STAG1: variants seen among roughly 807,000 people sequenced by gnomAD.
STAG1 encodes STAG1 cohesin complex component, also known as cohesin subunit SA-1.
STAG1 carries 26 observed loss-of-function variants against 170.9 expected under a neutral mutation model. The ratio of observed to expected loss-of-function variants is 0.15; its 90% CI spans 0.11 to 0.21. STAG1 has a LOEUF of 0.21. STAG1 is among the 10% of genes least tolerant of loss of function. The pLI, the probability that STAG1 is intolerant of heterozygous loss-of-function variation, is 1.00. For synonymous variants in STAG1, 514 were observed against 497.7 expected (o/e 1.03, Z -0.44); for missense variants, 964 against 1,509.5 (o/e 0.64, Z 5.99).
intron 22 of STAG1, among the ~76,000 whole-genome samples, chr3:136,387,421 A>G (rs114561545): frequency 0.012 from 1,880 of 152,320 alleles, 41 homozygotes; most frequent in African/African-American, 0.043. Context: ...TGACTAATAT[A>G]TAACAAGGCT....
intron 16 of STAG1, among the ~76,000 whole-genome samples, chr3:136,430,926 C>T (rs555568430): frequency 4.0e-5 from 6 of 149,084 alleles, no homozygotes; most frequent in African/African-American, 1.5e-4. Flanking sequence ...TTTTTGGAGA[C>T]AGAGTCTTAC....
At chr3:136,689,851 G>A (rs1379897808) in intron 1 of STAG1, among the ~76,000 whole-genome samples, 2 of 151,932 alleles carry the variant, frequency 1.3e-5, no homozygotes, top group Non-Finnish European at 2.9e-5. Context: ...AGACCAGCCT[G>A]GCCTAGATGG....
chr3:136,673,247 C>T (rs986054139), intron 1 of STAG1, among the ~76,000 whole-genome samples: 2 of 152,124 alleles, frequency 1.3e-5, no homozygotes, highest in African/African-American at 2.4e-5. Context: ...GAATACGTAG[C>T]AAAGGGTTAG....
At chr3:136,411,649 T>TA (rs891822825) in intron 21 of STAG1, among the ~76,000 whole-genome samples, 2 of 152,056 alleles carry the variant, frequency 1.3e-5, no homozygotes, top group African/African-American at 4.8e-5. Flanking sequence ...TGGAGATGCT[T>TA]AAAAAATAAT....
At chr3:136,379,669 A>T (rs1220544748) in intron 22 of STAG1, among the ~76,000 whole-genome samples, 1 of 152,162 alleles carries the variant, frequency 6.6e-6, no homozygotes, top group East Asian at 1.9e-4. Flanking sequence ...AGACTGCGCC[A>T]CTGCACCCCA....
chr3:136,665,671 T>C (rs961729912), intron 1 of STAG1, among the ~76,000 whole-genome samples: 2 of 148,482 alleles, frequency 1.3e-5, no homozygotes, highest in African/African-American at 5.0e-5. Context: ...TCCCAGCTAC[T>C]GGGGAGGCTG....
chr3:136,384,426 G>A (rs1393853232), intron 22 of STAG1, among the ~76,000 whole-genome samples: 3 of 149,262 alleles, frequency 2.0e-5, no homozygotes, highest in Non-Finnish European at 4.4e-5. Context: ...CTCCAGCCTC[G>A]GCAACAGAGC....
intron 13 of STAG1, among the ~76,000 whole-genome samples, chr3:136,452,930 C>T (rs1335732111): frequency 6.6e-6 from 1 of 152,060 alleles, no homozygotes; most frequent in Non-Finnish European, 1.5e-5. Flanking sequence ...GCTGAAATTA[C>T]AGGTGCCTGC....
chr3:136,672,532 T>G (rs1559942512), intron 1 of STAG1, among the ~76,000 whole-genome samples: 1 of 152,178 alleles, frequency 6.6e-6, no homozygotes, highest in African/African-American at 2.4e-5. Flanking sequence ...GCTTGGCTAT[T>G]TTTTATCTTT....
chr3:136,371,068 G>C (rs1303399827), intron 23 of STAG1, among the ~76,000 whole-genome samples: 1 of 151,990 alleles, frequency 6.6e-6, no homozygotes, highest in Non-Finnish European at 1.5e-5. Flanking sequence ...GTGTGAGATG[G>C]TATCTCATTG....
intron 21 of STAG1, among the ~76,000 whole-genome samples, chr3:136,414,359 G>A (rs2087713254): frequency 6.6e-6 from 1 of 152,138 alleles, no homozygotes. Context: ...TTTTAACAAT[G>A]TTCACAGCAT....
At chr3:136,370,901 G>C (rs1320184981) in intron 23 of STAG1, among the ~76,000 whole-genome samples, 1 of 152,176 alleles carries the variant, frequency 6.6e-6, no homozygotes, top group Non-Finnish European at 1.5e-5. Flanking sequence ...GAGTCAAATG[G>C]TATGTCTAGT....
Position 136,545,110 on chromosome 3 carries a change from G to A in STAG1, c.395-2915C>T, listed in dbSNP as rs190808405. Among the ~76,000 whole-genome samples the A allele has an allele frequency of 3.3e-5, 5 of 151,940 alleles. No homozygotes were observed. In the East Asian group the frequency reaches 7.7e-4, roughly 24 times the overall value. On this transcript the variant is annotated intron_variant, in intron 5 of 33. Coordinates refer to ENST00000383202, the MANE Select transcript of STAG1 (RefSeq NM_005862.3). ...GTTGTCCAAGATGGAGTGCAATGGC[G>A]CGATCTCAGCTCACTGCAACCTCCG... is the stretch of plus-strand genomic sequence containing the variant.
intron 21 of STAG1, among the ~76,000 whole-genome samples, chr3:136,409,690 G>A (rs1401172441): frequency 1.2e-4 from 18 of 152,054 alleles, no homozygotes; most frequent in Non-Finnish European, 4.4e-5. Context: ...TCTGAAGAAT[G>A]TGTTCATGTC....
chr3:136,571,021 G>C (rs1465067770), intron 4 of STAG1, among the ~76,000 whole-genome samples: 1 of 152,196 alleles, frequency 6.6e-6, no homozygotes. Flanking sequence ...GTGAAAACTA[G>C]AAGTTAATAG....
Position 136,619,244 on chromosome 3 carries a change from TA to T in STAG1, c.132+3901del, listed in dbSNP as rs562015992. ...TGGGGCAGTGCTTATTTAACAAAAT[TA>T]AAACACCATTCACTCATTAAACATT... On this transcript the variant is annotated intron_variant, in intron 3 of 33. Transcript: ENST00000383202. Among the ~76,000 whole-genome samples the T allele has an allele frequency of 3.7e-4, 55 of 150,518 alleles. 1 individual carries two copies. The East Asian group carries it at 8.4e-3, about 23-fold the overall frequency.
At chr3:136,569,384 G>A (rs1340451148) in intron 4 of STAG1, among the ~76,000 whole-genome samples, 2 of 141,912 alleles carry the variant, frequency 1.4e-5, no homozygotes, top group Non-Finnish European at 3.1e-5. Flanking sequence ...TCTCAAAAAC[G>A]TATCTGATAA....
chr3:136,692,847 T>C (rs961500711), intron 1 of STAG1, among the ~76,000 whole-genome samples: 1 of 152,162 alleles, frequency 6.6e-6, no homozygotes, highest in African/African-American at 2.4e-5. Context: ...GCTCAACAGA[T>C]ATTAGGCAAA....
chr3:136,525,226 G>A (rs1934941441), intron 6 of STAG1, among the ~76,000 whole-genome samples: 1 of 152,046 alleles, frequency 6.6e-6, no homozygotes, highest in African/African-American at 2.4e-5. Flanking sequence ...ATCTCGTCCT[G>A]GACTTTTTTT....
Sources: allele counts gnomAD v4.1 joint callset (sites outside exome capture counted in the v4.1 genomes callset), GRCh38; gene constraint gnomAD v4.1.1; transcripts MANE v1.5; gene names NCBI Gene and HGNC (gene_info 2026-07-23, HGNC 2026-07-21).